PHF21A: variants seen among roughly 807,000 people sequenced by gnomAD.
PHF21A encodes the protein BHC80a.
PHF21A carries 11 observed loss-of-function variants against 82.5 expected under a neutral mutation model. The observed-to-expected ratio is 0.13, with a 90% CI of 0.08 to 0.22. The LOEUF is 0.22. Ranked by LOEUF, PHF21A falls within the 10% of genes least tolerant of loss-of-function variation. The pLI is 1.00. For missense variants in PHF21A, 579 were observed against 837.8 expected (o/e 0.69, Z 3.81); for synonymous variants, 297 against 302.8 (o/e 0.98, Z 0.20).
At chr11:45,976,526 C>T (rs1407896631) in intron 7 of PHF21A, among the ~76,000 whole-genome samples, 1 of 152,168 alleles carries the variant, frequency 6.6e-6, no homozygotes, top group East Asian at 1.9e-4. Flanking sequence ...GAATCTACCA[C>T]ATAGATTGGT....
intron 1 of PHF21A, among the ~76,000 whole-genome samples, chr11:46,111,797 G>A (rs74574566): frequency 0.022 from 3,316 of 152,266 alleles, 109 homozygotes; most frequent in African/African-American, 0.074. Flanking sequence ...GAAAATTAAT[G>A]TAAAGAATTA....
At chr11:46,093,082 C>A (rs1331536330) in intron 1 of PHF21A, among the ~76,000 whole-genome samples, 1 of 152,128 alleles carries the variant, frequency 6.6e-6, no homozygotes, top group Non-Finnish European at 1.5e-5. Flanking sequence ...GATTGTAAAC[C>A]ACATACACAA....
At position 46,080,130 on chromosome 11, in the gene PHF21A, C is replaced by T. The variant is rs949682233; in HGVS notation, c.55-964G>A. Among the ~76,000 whole-genome samples, 16 of 152,166 alleles carry T rather than the reference C, an allele frequency of 1.1e-4. No individual in the cohort carries two copies. The South Asian group carries it at 1.2e-3, about 12-fold the overall frequency. On this transcript the variant is annotated intron_variant, in intron 4 of 18. Transcript: ENST00000676320. ...TAAATTGTTTAGTTGTAAAATAAAACCTTTCTAAAATATACTATATATTTA... is the reference window on the plus strand; with the variant it reads ...TAAATTGTTTAGTTGTAAAATAAAATCTTTCTAAAATATACTATATATTTA...
At chr11:46,048,179 C>G (rs2096284538) in intron 6 of PHF21A, among the ~76,000 whole-genome samples, 1 of 152,202 alleles carries the variant, frequency 6.6e-6, no homozygotes, top group South Asian at 2.1e-4. Context: ...TCCCCCAGCC[C>G]TGGGCAACCA....
rs907684376 is a variant in PHF21A at position 45,947,822 on chromosome 11, C to T, written c.1288+1064G>A. Among the ~76,000 whole-genome samples the T allele has an allele frequency of 3.9e-5, 6 of 152,288 alleles. No homozygotes were observed. In the South Asian group the frequency reaches 1.2e-3, roughly 32 times the overall value. ...CAAAAATAACTTAGAGTACTGGTTA[C>T]TGTGGCCCAGGAATCAATATAAAGC... is the stretch of plus-strand genomic sequence containing the variant. On this transcript the variant is annotated intron_variant, in intron 14 of 18. Coordinates refer to ENST00000676320, the MANE Select transcript of PHF21A (RefSeq NM_001352027.3).
chr11:46,078,738 T>C (rs2096756907), intron 5 of PHF21A, among the ~76,000 whole-genome samples: 1 of 152,168 alleles, frequency 6.6e-6, no homozygotes, highest in African/African-American at 2.4e-5. Context: ...TGTTCTATAA[T>C]ATAAACTCCA....
intron 6 of PHF21A, among the ~76,000 whole-genome samples, chr11:46,074,121 C>CA (rs774252435): frequency 4.0e-3 from 458 of 113,748 alleles, no homozygotes; most frequent in East Asian, 6.8e-3. Flanking sequence ...TTGTCAGATG[C>CA]AAAAAAAAAA....
At chr11:46,012,033 A>G (rs2095424309) in intron 6 of PHF21A, among the ~76,000 whole-genome samples, 1 of 152,100 alleles carries the variant, frequency 6.6e-6, no homozygotes, top group South Asian at 2.1e-4. Context: ...CACTTCTACT[A>G]TGTTCTCCCT....
At chr11:46,037,068 A>G (rs1344957790) in intron 6 of PHF21A, among the ~76,000 whole-genome samples, 2 of 152,188 alleles carry the variant, frequency 1.3e-5, no homozygotes, top group African/African-American at 4.8e-5. Flanking sequence ...CCAGAATAAT[A>G]ATCTTTTTTC....
chr11:45,994,235 G>A (rs2094825181), intron 6 of PHF21A, among the ~76,000 whole-genome samples: 1 of 152,114 alleles, frequency 6.6e-6, no homozygotes, highest in Admixed American at 6.5e-5. Flanking sequence ...GGGCTCTGGT[G>A]GGTTTTTAAA....
chr11:45,936,789 G>C (rs2135071733), intron 16 of PHF21A: 1 of 511,742 alleles, frequency 2.0e-6, no homozygotes, highest in Admixed American at 3.5e-5. Context: ...GGACACTTGA[G>C]CCCAGGCTTA....
chr11:46,061,375 A>T (rs962457724), intron 6 of PHF21A, among the ~76,000 whole-genome samples: 1 of 152,216 alleles, frequency 6.6e-6, no homozygotes, highest in African/African-American at 2.4e-5. Flanking sequence ...TAGGAATAGC[A>T]TTGAATCTGT....
chr11:46,068,057 A>C (rs990526656), intron 6 of PHF21A, among the ~76,000 whole-genome samples: 1 of 152,204 alleles, frequency 6.6e-6, no homozygotes, highest in Non-Finnish European at 1.5e-5. Flanking sequence ...TGAAGAAGGC[A>C]CAGTCTTGAG....
chr11:46,062,103 T>C (rs887027573), intron 6 of PHF21A, among the ~76,000 whole-genome samples: 2 of 152,058 alleles, frequency 1.3e-5, no homozygotes, highest in African/African-American at 2.4e-5. Flanking sequence ...TTTTTTTTTT[T>C]CCTCTAAGGA....
intron 6 of PHF21A, among the ~76,000 whole-genome samples, chr11:46,031,463 G>A (rs540751043): frequency 1.3e-5 from 2 of 152,306 alleles, no homozygotes; most frequent in Non-Finnish European, 2.9e-5. Context: ...GGAAGGTAAT[G>A]GGAGCTGGAG....
chr11:46,108,769 C>T (rs916397898), intron 1 of PHF21A, among the ~76,000 whole-genome samples: 3 of 152,036 alleles, frequency 2.0e-5, no homozygotes, highest in Non-Finnish European at 4.4e-5. Context: ...TATATAAGGA[C>T]TGACTGAAAT....
intron 10 of PHF21A, 100 bp downstream of exon 10, chr11:45,965,215 G>GA (rs1390232472): frequency 1.3e-5 from 12 of 952,360 alleles, no homozygotes; most frequent in Non-Finnish European, 1.9e-5. Flanking sequence ...ATGGTGGTGA[G>GA]ATGAAGAGCC....
At chr11:45,976,837 A>G (rs1217904236) in intron 7 of PHF21A, among the ~76,000 whole-genome samples, 1 of 152,202 alleles carries the variant, frequency 6.6e-6, no homozygotes, top group Non-Finnish European at 1.5e-5. Context: ...CTGTCTAAAA[A>G]ACAAACAAAC....
At chr11:46,050,381 T>C (rs949082286) in intron 6 of PHF21A, among the ~76,000 whole-genome samples, 2 of 152,242 alleles carry the variant, frequency 1.3e-5, no homozygotes, top group Non-Finnish European at 2.9e-5. Context: ...TCAGTGTGAT[T>C]TCCCTGTTCT....
Sources: allele counts gnomAD v4.1 joint callset (sites outside exome capture counted in the v4.1 genomes callset), GRCh38; gene constraint gnomAD v4.1.1; transcripts MANE v1.5; gene names NCBI Gene and HGNC (gene_info 2026-07-23, HGNC 2026-07-21).